P3H2: variants seen among roughly 807,000 people sequenced by gnomAD.
P3H2 encodes leprecan-like 1.
In P3H2, 80 loss-of-function variants were observed where a neutral mutation model predicts 87.0. The observed-to-expected ratio is 0.92, with a 90% CI of 0.77 to 1.11. P3H2 has a LOEUF of 1.11. P3H2 is among the 50% of genes least tolerant of loss of function. P3H2 has a pLI of 0.00. For missense variants in P3H2, 1,001 were observed against 923.9 expected, an observed-to-expected ratio of 1.08 and a Z score of -1.08; for synonymous variants, 367 against 359.3, an observed-to-expected ratio of 1.02 and a Z score of -0.24.
At chr3:189,971,261 G>T (rs1723169971) in intron 12 of P3H2, among the ~76,000 whole-genome samples, 1 of 152,132 alleles carries the variant, frequency 6.6e-6, no homozygotes, top group Admixed American at 6.6e-5. Context: ...TTGTTTGTTT[G>T]CTTTGTTCTT....
At chr3:189,997,100 C>T (rs1724075348) in intron 1 of P3H2, among the ~76,000 whole-genome samples, 1 of 152,196 alleles carries the variant, frequency 6.6e-6, no homozygotes. Flanking sequence ...TGGCTCACTG[C>T]AATCTCTGCC....
chr3:190,067,011 C>CT lies in P3H2; in HGVS notation c.480+53240dup, dbSNP rs56858478. Among the ~76,000 whole-genome samples the CT allele has an allele frequency of 5.9e-3, 830 of 139,750 alleles. 3 individuals are homozygous for CT. The highest frequency in any genetic ancestry group is 0.014 in the South Asian group (62 of 4,352). 91.7% of individuals were successfully genotyped at this position (139,750 alleles called of 152,430 possible). A position where few individuals can be genotyped will look rare whatever the true frequency, so the allele number is the denominator to read the frequency against. On this transcript the variant is annotated intron_variant, in intron 1 of 14. Coordinates refer to ENST00000319332, the MANE Select transcript of P3H2 (RefSeq NM_018192.4). ...AGTTTATTCTTTTTTAATTTTCTTT[C>CT]TTTTTTTTTTTTTTGTAGAGATGGG...
At chr3:190,074,157 T>G (rs1374487792) in intron 1 of P3H2, among the ~76,000 whole-genome samples, 2 of 152,188 alleles carry the variant, frequency 1.3e-5, no homozygotes, top group Admixed American at 1.3e-4. Flanking sequence ...AAAGTGTGAT[T>G]GGATAACTTA....
chr3:190,032,271 T>C (rs903918851), intron 1 of P3H2, among the ~76,000 whole-genome samples: 2 of 152,224 alleles, frequency 1.3e-5, no homozygotes, highest in South Asian at 2.1e-4. Flanking sequence ...AGCACTATAT[T>C]TCTGTAGGTG....
intron 1 of P3H2, among the ~76,000 whole-genome samples, chr3:190,078,751 TTTTA>T (rs1169682527): frequency 2.0e-5 from 3 of 152,116 alleles, no homozygotes; most frequent in African/African-American, 7.2e-5. Flanking sequence ...TACCCAAACT[TTTTA>T]TTTGTTTTTT....
At chr3:190,031,363 C>T (rs1049520975) in intron 1 of P3H2, among the ~76,000 whole-genome samples, 11 of 69,806 alleles carry the variant, frequency 1.6e-4, no homozygotes, top group African/African-American at 4.8e-4. Context: ...GTATGCCGGG[C>T]ATGAGGTCTC....
In P3H2 at chr3:189,994,078, A is replaced by G. The variant is rs1193060951; in HGVS notation, c.823+16T>C. On this transcript the variant is annotated intron_variant, in intron 3 of 14. Coordinates refer to ENST00000319332, the MANE Select transcript of P3H2 (RefSeq NM_018192.4). ...TATAATCAAGAAAGAAATAAAATGA[A>G]AAATTAAGCTTTTACCTGCAATAGC... 1 of 1,588,472 alleles carries G rather than the reference A, an allele frequency of 6.3e-7. No homozygotes were observed. Among genetic ancestry groups the G allele is most frequent in the East Asian group, 2.2e-5 (1 of 44,776 alleles).
chr3:190,078,945 C>T (rs1692302901), intron 1 of P3H2, among the ~76,000 whole-genome samples: 1 of 152,116 alleles, frequency 6.6e-6, no homozygotes, highest in Admixed American at 6.6e-5. Context: ...AGACTGTATG[C>T]ACAGTGGTTG....
intron 1 of P3H2, among the ~76,000 whole-genome samples, chr3:190,028,068 C>T (rs1421631066): frequency 6.6e-6 from 1 of 152,028 alleles, no homozygotes; most frequent in Non-Finnish European, 1.5e-5. Context: ...ATTTAAGGTG[C>T]TTTTCTATTC....
At chr3:190,119,230 A>AGAG (rs1305707137) in intron 1 of P3H2, among the ~76,000 whole-genome samples, 16 of 142,760 alleles carry the variant, frequency 1.1e-4, no homozygotes, top group Middle Eastern at 3.7e-3. Flanking sequence ...AAAGCAGAGC[A>AGAG]CAGCAGAGCA....
At chr3:190,079,138 C>G (rs1726962432) in intron 1 of P3H2, among the ~76,000 whole-genome samples, 1 of 151,972 alleles carries the variant, frequency 6.6e-6, no homozygotes, top group African/African-American at 2.4e-5. Flanking sequence ...GTCAGGAGTT[C>G]AAGACCAGCC....
chr3:189,971,165 T>C (rs982605891), intron 12 of P3H2, among the ~76,000 whole-genome samples: 1 of 152,248 alleles, frequency 6.6e-6, no homozygotes, highest in Non-Finnish European at 1.5e-5. Context: ...AAAACCTAAC[T>C]AGTTTTAATT....
chr3:190,055,157 G>A (rs958760547), intron 1 of P3H2, among the ~76,000 whole-genome samples: 1 of 151,670 alleles, frequency 6.6e-6, no homozygotes, highest in African/African-American at 2.4e-5. Flanking sequence ...GGAGACCACT[G>A]ACCCCTGTTG....
intron 1 of P3H2, among the ~76,000 whole-genome samples, chr3:190,065,636 A>T (rs1337183335): frequency 6.6e-6 from 1 of 152,100 alleles, no homozygotes; most frequent in Non-Finnish European, 1.5e-5. Context: ...ATTCAAAAAA[A>T]TATTGTTTGG....
intron 1 of P3H2, among the ~76,000 whole-genome samples, chr3:190,001,249 A>G (rs1052662161): frequency 6.6e-6 from 1 of 152,240 alleles, no homozygotes; most frequent in African/African-American, 2.4e-5. Flanking sequence ...CACGTGCAAC[A>G]AAGAAAAGGG....
chr3:190,079,227 G>C (rs1414795654), intron 1 of P3H2, among the ~76,000 whole-genome samples: 3 of 151,958 alleles, frequency 2.0e-5, no homozygotes, highest in Admixed American at 1.3e-4. Flanking sequence ...TATAATCCCA[G>C]CTACTCAGGA....
chr3:189,957,284 C>CCGT lies in P3H2; in HGVS notation c.*625_*627dup. 1 of 399,316 alleles carries CCGT rather than the reference C, an allele frequency of 2.5e-6. No individual in the cohort carries two copies. The highest frequency in any genetic ancestry group is 4.4e-6 in the Non-Finnish European group (1 of 226,876). The allele number at this position is 399,316 out of a possible 1,614,324, so 24.7% of individuals were successfully genotyped here. ...CACTTTGGAGAGTCGGAGCTCATGG[C>CCGT]CGTTAGCACCTAAGGATGTGGCTGA... On this transcript the variant is annotated 3_prime_UTR_variant, in exon 15 of 15. Coordinates refer to ENST00000319332, the MANE Select transcript of P3H2 (RefSeq NM_018192.4).
At chr3:190,058,838 C>G (rs182765487) in intron 1 of P3H2, among the ~76,000 whole-genome samples, 1 of 152,152 alleles carries the variant, frequency 6.6e-6, no homozygotes, top group African/African-American at 2.4e-5. Flanking sequence ...AGGAAACTCA[C>G]TAAACAAAAG....
chr3:189,982,936 ATTC>A, intron 8 of P3H2, 107 bp downstream of exon 8: 1 of 833,836 alleles, frequency 1.2e-6, no homozygotes. Flanking sequence ...GCTTAGTCTT[ATTC>A]TTTATTTTCT....
Sources: allele counts gnomAD v4.1 joint callset (sites outside exome capture counted in the v4.1 genomes callset), GRCh38; gene constraint gnomAD v4.1.1; transcripts MANE v1.5; gene names NCBI Gene and HGNC (gene_info 2026-07-23, HGNC 2026-07-21).